The following GPD1L variants were observed in gnomAD, a reference collection of about 807,000 sequenced individuals.
GPD1L encodes the protein glycerol-3-phosphate dehydrogenase 1 like.
A neutral mutation model predicts 32.9 loss-of-function variants in GPD1L; 17 were observed. The observed-to-expected ratio is 0.52, with a 90% confidence interval of 0.35 to 0.78. GPD1L has a LOEUF of 0.78. Among genes scored for constraint, GPD1L ranks in the 30% least tolerant of loss-of-function variants. The pLI is 0.01. For missense variants in GPD1L, 361 were observed against 447.8 expected (o/e 0.81, Z 1.75); for synonymous variants, 187 against 165.9 (o/e 1.13, Z -0.98).
At chr3:32,122,061 G>A (rs1700431589) in intron 1 of GPD1L, among the ~76,000 whole-genome samples, 1 of 152,128 alleles carries the variant, frequency 6.6e-6, no homozygotes, top group Non-Finnish European at 1.5e-5. Flanking sequence ...GAGCCACCGT[G>A]CGCAGCAGCA....
At chr3:32,111,321 C>T (rs1700242825) in intron 1 of GPD1L, among the ~76,000 whole-genome samples, 1 of 152,172 alleles carries the variant, frequency 6.6e-6, no homozygotes, top group East Asian at 1.9e-4. Context: ...CCTTTGGAGG[C>T]AGGGTAGTGC....
chr3:32,151,368 T>C (rs754130995), intron 5 of GPD1L: 64 of 693,098 alleles, frequency 9.2e-5, no homozygotes, highest in Non-Finnish European at 1.6e-5. Context: ...TTGTAGACTC[T>C]TCCAGTTTAG....
intron 5 of GPD1L, among the ~76,000 whole-genome samples, chr3:32,147,899 T>C (rs10049382): frequency 0.53 from 81,342 of 152,054 alleles, 25,119 homozygotes; most frequent in East Asian, 0.89. Context: ...TCATGATATA[T>C]AATGAGCATT....
At chr3:32,163,822 G>A (rs567312131) in intron 7 of GPD1L, among the ~76,000 whole-genome samples, 1 of 152,312 alleles carries the variant, frequency 6.6e-6, no homozygotes, top group East Asian at 1.9e-4. Flanking sequence ...AAAGTTGGGA[G>A]TGCTTTCAGC....
At chr3:32,138,207 T>G (rs1326147533) in intron 2 of GPD1L, among the ~76,000 whole-genome samples, 1 of 152,104 alleles carries the variant, frequency 6.6e-6, no homozygotes, top group Non-Finnish European at 1.5e-5. Context: ...CAAGGGAGCC[T>G]GGGGAAATAG....
rs145009941 is a variant in GPD1L, at chr3:32,148,806, T to C, written c.618+2072T>C. 1.9e-3 allele frequency among the ~76,000 whole-genome samples: 284 copies of C among 152,324 alleles called. 2 individuals carry two copies. The highest frequency in any genetic ancestry group is 6.6e-3 in the African/African-American group (276 of 41,562). ...AGAGCAAGGACACATGGCCGTATGT[T>C]GCTTTCATCACATAAATAACAGTGA... On this transcript the variant is annotated intron_variant, in intron 5 of 7. Coordinates refer to ENST00000282541, the MANE Select transcript of GPD1L (RefSeq NM_015141.4).
chr3:32,131,906 TCTGA>T (rs1323545168), intron 2 of GPD1L, among the ~76,000 whole-genome samples: 3 of 152,250 alleles, frequency 2.0e-5, no homozygotes, highest in Admixed American at 6.5e-5. Flanking sequence ...CTTGCTGTTA[TCTGA>T]CTTTTTAATC....
At chr3:32,157,798 G>A (rs7613007) in intron 5 of GPD1L, among the ~76,000 whole-genome samples, 83,205 of 152,000 alleles carry the variant, frequency 0.55, 24,573 homozygotes, top group East Asian at 0.86. Context: ...CTGGGTTCCC[G>A]TAAAACATTA....
chr3:32,113,417 G>A (rs1390380104), intron 1 of GPD1L, among the ~76,000 whole-genome samples: 1 of 151,844 alleles, frequency 6.6e-6, no homozygotes, highest in Non-Finnish European at 1.5e-5. Flanking sequence ...CCTAAATCTT[G>A]TCTCTGGCAG....
At chr3:32,159,495 A>T in intron 6 of GPD1L, 73 bp from the exon 7 acceptor site, 1 of 977,822 alleles carries the variant, frequency 1.0e-6, no homozygotes, top group Non-Finnish European at 1.6e-6. Context: ...AAAAACACTT[A>T]AAAATTAAAC....
intron 1 of GPD1L, among the ~76,000 whole-genome samples, chr3:32,120,850 C>T (rs1306689233): frequency 1.3e-5 from 2 of 152,086 alleles, no homozygotes; most frequent in Non-Finnish European, 1.5e-5. Context: ...GTAGTACCTC[C>T]CCAGCCTAAT....
intron 1 of GPD1L, among the ~76,000 whole-genome samples, chr3:32,115,184 A>G (rs1015480253): frequency 3.3e-5 from 5 of 152,044 alleles, no homozygotes; most frequent in Admixed American, 3.3e-4. Flanking sequence ...GATGCATTTT[A>G]TAGAGTGCTG....
In GPD1L at chr3:32,165,982, G is replaced by A; in HGVS notation, c.*72G>A. 1 of 840,410 alleles carries A rather than the reference G, an allele frequency of 1.2e-6. No individual in the cohort carries two copies. Among genetic ancestry groups the A allele is most frequent in the East Asian group, 2.4e-5 (1 of 40,826 alleles). 52.1% of individuals were successfully genotyped at this position (840,410 alleles called of 1,614,324 possible). Reference sequence around the variant, plus strand: ...TCTTTTGGGTTCACGTGGAAACCAGGACTTGGCAACATGATGTTTGACTGT... The same window carrying A: ...TCTTTTGGGTTCACGTGGAAACCAGAACTTGGCAACATGATGTTTGACTGT... On this transcript the variant is annotated 3_prime_UTR_variant, in exon 8 of 8. Transcript: ENST00000282541.
intron 1 of GPD1L, among the ~76,000 whole-genome samples, chr3:32,123,199 G>A (rs900457677): frequency 2.0e-5 from 3 of 152,116 alleles, no homozygotes; most frequent in African/African-American, 7.2e-5. Flanking sequence ...ACTGTGTCCA[G>A]CCTAAATGTT....
intron 2 of GPD1L, among the ~76,000 whole-genome samples, chr3:32,128,885 T>C (rs1700550232): frequency 6.6e-6 from 1 of 152,232 alleles, no homozygotes; most frequent in Admixed American, 6.5e-5. Flanking sequence ...TACAATGGTC[T>C]GTAATTAAAG....
intron 7 of GPD1L, among the ~76,000 whole-genome samples, chr3:32,161,408 C>T (rs1701072099): frequency 6.6e-6 from 1 of 152,180 alleles, no homozygotes; most frequent in Admixed American, 6.5e-5. Context: ...GTTTTCCTTA[C>T]CTACTTAGCA....
intron 5 of GPD1L, chr3:32,158,559 C>T (rs1701026174): frequency 4.1e-6 from 2 of 487,718 alleles, no homozygotes; most frequent in East Asian, 7.6e-5. Context: ...TAAAACAAAA[C>T]AAAAAGTAAA....
intron 2 of GPD1L, among the ~76,000 whole-genome samples, chr3:32,132,827 C>A (rs1339717932): frequency 1.3e-5 from 2 of 152,138 alleles, no homozygotes; most frequent in Non-Finnish European, 2.9e-5. Flanking sequence ...ACTGGGGAAT[C>A]CAGGCGATGG....
chr3:32,147,893 GAT>G (rs1193371149), intron 5 of GPD1L, among the ~76,000 whole-genome samples: 1 of 152,064 alleles, frequency 6.6e-6, no homozygotes, highest in Non-Finnish European at 1.5e-5. Context: ...GTGTGGTCAT[GAT>G]ATATAATGAG....
Sources: allele counts gnomAD v4.1 joint callset (sites outside exome capture counted in the v4.1 genomes callset), GRCh38; gene constraint gnomAD v4.1.1; transcripts MANE v1.5; gene names NCBI Gene and HGNC (gene_info 2026-07-23, HGNC 2026-07-21).